BRD9: variants seen among roughly 807,000 people sequenced by gnomAD.
BRD9 encodes the protein bromodomain-containing protein 9.
A neutral mutation model predicts 68.7 loss-of-function variants in BRD9; 47 were observed. The observed-to-expected ratio is 0.68, with a 90% CI of 0.54 to 0.87. The LOEUF (loss-of-function observed/expected upper bound fraction) is 0.87. Among genes scored for constraint, BRD9 ranks in the 40% least tolerant of loss-of-function variants. The pLI, the probability that BRD9 is intolerant of heterozygous loss-of-function variation, is 0.00. For missense variants in BRD9, 670 were observed against 748.4 expected, an observed-to-expected ratio of 0.90 and a Z score of 1.22; for synonymous variants, 313 against 293.9, an observed-to-expected ratio of 1.06 and a Z score of -0.67.
rs1315297576 is a variant in BRD9 at position 892,771 on chromosome 5, G to A, written c.-114C>T. 6.3e-6 allele frequency: 7 copies of A among 1,119,622 alleles called. No individual in the cohort carries two copies. Among genetic ancestry groups the A allele is most frequent in the East Asian group, 3.5e-5 (1 of 28,518 alleles). 69.4% of individuals were successfully genotyped at this position (1,119,622 alleles called of 1,614,324 possible). ...GGCCGCCCGCGCTCGCTGCGCCGAG[G>A]TTGCCGAGCTCGCTGGGCCGCGCCG... On this transcript the variant is annotated 5_prime_UTR_variant, in exon 1 of 16. Coordinates refer to ENST00000467963, the MANE Select transcript of BRD9 (RefSeq NM_023924.5).
chr5:865,761 TAGC>T, intron 14 of BRD9, 180 bp from the exon 15 acceptor site: 1 of 618,724 alleles, frequency 1.6e-6, no homozygotes, highest in Non-Finnish European at 2.7e-6. Context: ...ACATTACCCT[TAGC>T]AGTGAGTGAA....
chr5:866,019 G>C (rs953655697), intron 14 of BRD9: 1 of 157,164 alleles, frequency 6.4e-6, no homozygotes, highest in African/African-American at 2.4e-5. Flanking sequence ...CACAGCCATC[G>C]GGGACCCAGC....
intron 5 of BRD9, 90 bp from the exon 6 acceptor site, chr5:887,561 A>G (rs1752747877): frequency 1.0e-6 from 1 of 967,280 alleles, no homozygotes; most frequent in African/African-American, 1.6e-5. Flanking sequence ...CAAAAGGAAA[A>G]AGCTACAATC....
chr5:871,829 G>A (rs1750178605), intron 12 of BRD9, among the ~76,000 whole-genome samples: 1 of 152,240 alleles, frequency 6.6e-6, no homozygotes, highest in South Asian at 2.1e-4. Flanking sequence ...GGAGCGGACA[G>A]AGAGAGGACG....
intron 7 of BRD9, 27 bp from the exon 8 acceptor site, chr5:884,097 C>G: frequency 6.2e-7 from 1 of 1,606,248 alleles, no homozygotes; most frequent in Non-Finnish European, 8.5e-7. Context: ...ACCAAGTCAC[C>G]TGGAGGCAGC....
chr5:878,076 G>A (rs1202580773), intron 11 of BRD9, among the ~76,000 whole-genome samples: 1 of 152,168 alleles, frequency 6.6e-6, no homozygotes, highest in Non-Finnish European at 1.5e-5. Flanking sequence ...GGTCACTTAG[G>A]AAACACAATT....
Position 864,334 on chromosome 5 carries a change from A to G in BRD9, c.*134T>C, listed in dbSNP as rs1207518090. ...CTCTGCTGACATGATACCACAGACA[A>G]TTCATTACCTCCCCGCGGCTGCTTC... On this transcript the variant is annotated 3_prime_UTR_variant, in exon 16 of 16. Transcript: ENST00000467963. The G allele has an allele frequency of 3.0e-6, 2 of 662,544 alleles. No homozygotes were observed. The highest frequency in any genetic ancestry group is 4.9e-6 in the Non-Finnish European group (2 of 407,616). The allele number at this position is 662,544 out of a possible 1,614,324, so 41.0% of individuals were successfully genotyped here. A position where few individuals can be genotyped will look rare whatever the true frequency, so the allele number is the denominator to read the frequency against.
chr5:871,504 C>T, intron 13 of BRD9, 22 bp downstream of exon 13: 1 of 1,612,156 alleles, frequency 6.2e-7, no homozygotes, highest in South Asian at 1.1e-5. Context: ...TTTGGCTTGC[C>T]CTTCCATGTT....
At chr5:885,482 T>G (rs1752419277) in intron 7 of BRD9, among the ~76,000 whole-genome samples, 1 of 152,122 alleles carries the variant, frequency 6.6e-6, no homozygotes, top group East Asian at 1.9e-4. Context: ...AAACAAACAA[T>G]GGAGGGCCGT....
At chr5:883,674 G>A in intron 8 of BRD9, 2 of 548,376 alleles carry the variant, frequency 3.6e-6, no homozygotes, top group Non-Finnish European at 3.3e-6. Flanking sequence ...GCCTGCAGCA[G>A]GGCCTCCATC....
chr5:870,177 G>T (rs1482604310), intron 14 of BRD9: 1 of 306,316 alleles, frequency 3.3e-6, no homozygotes, highest in Non-Finnish European at 6.2e-6. Context: ...TTTCATGGAG[G>T]CGGTAGGCAA....
chr5:876,087 C>T lies in BRD9; in HGVS notation c.1383+14G>A, dbSNP rs56008065. ...GGGCACCTGCCCCCCAACCCCGGTG[C>T]GAGTGCAGCCCACCTGCTTCAGCTG... On this transcript the variant is annotated intron_variant, in intron 12 of 15. Transcript: ENST00000467963. The T allele has an allele frequency of 1.2e-5, 19 of 1,590,040 alleles. No homozygotes were observed. In the East Asian group the frequency reaches 2.0e-4, roughly 17 times the overall value.
intron 13 of BRD9, among the ~76,000 whole-genome samples, chr5:870,888 A>C (rs1750036407): frequency 6.6e-6 from 1 of 152,228 alleles, no homozygotes. Flanking sequence ...AGACACACAG[A>C]ATTTTAGGGT....
intron 12 of BRD9, among the ~76,000 whole-genome samples, chr5:874,416 G>A (rs967853170): frequency 6.6e-6 from 1 of 152,208 alleles, no homozygotes; most frequent in African/African-American, 2.4e-5. Flanking sequence ...AGTTTTTTAA[G>A]ATCTAGTTTG....
intron 8 of BRD9, 163 bp from the exon 9 acceptor site, chr5:881,345 G>T (rs895010229): frequency 4.2e-5 from 29 of 684,498 alleles, no homozygotes; most frequent in Middle Eastern, 2.7e-4. Context: ...CAGACTCACC[G>T]GCAACAGCAG....
Position 864,528 on chromosome 5 carries a change from G to A in BRD9, c.1734C>T (p.Val578=), listed in dbSNP as rs751819467. ...GAAGAAACTCATAGGGGTCGTGGGT[G>A]ACGTCTGGCTGCTCCCCGACACTCA... ...SRLSVGEQPD[V]THDPYEFLQS... is the part of the protein sequence containing the mutation. Residue 578 remains valine, a synonymous_variant, in exon 16 of 16, where the codon GTC becomes GTT. Transcript: ENST00000467963. The A allele has an allele frequency of 3.7e-6, 6 of 1,614,030 alleles. No homozygotes were observed. The highest frequency in any genetic ancestry group is 3.4e-6 in the Non-Finnish European group (4 of 1,179,942).
At chr5:885,035 C>T (rs965240609) in intron 7 of BRD9, among the ~76,000 whole-genome samples, 10 of 152,242 alleles carry the variant, frequency 6.6e-5, no homozygotes, top group Non-Finnish European at 1.5e-5. Flanking sequence ...TCTGCCAGGA[C>T]ACAACCCCAC....
intron 7 of BRD9, among the ~76,000 whole-genome samples, chr5:886,273 G>T (rs973529607): frequency 2.0e-5 from 3 of 152,262 alleles, no homozygotes; most frequent in Non-Finnish European, 4.4e-5. Flanking sequence ...AGCCTTGGCT[G>T]CCGGCAGGCG....
In BRD9 at chr5:866,217, A is replaced by C. The variant is rs1053356397; in HGVS notation, c.1526-636T>G. 3 of 152,264 alleles carry C rather than the reference A, an allele frequency of 2.0e-5. No homozygotes were observed. The East Asian group carries it at 5.8e-4, about 29-fold the overall frequency. 9.4% of individuals were successfully genotyped at this position (152,264 alleles called of 1,614,324 possible). On this transcript the variant is annotated intron_variant, in intron 14 of 15. Transcript: ENST00000467963. ...CCTGGGGAAGGTCCCACAGAGTCTA[A>C]GCCACTTCTCAAACTCAGAACAAAG...
Sources: gnomAD v4.1 joint callset for allele counts (sites outside exome capture counted in the v4.1 genomes callset) on GRCh38, gnomAD v4.1.1 for gene constraint, MANE v1.5 for transcripts, NCBI Gene and HGNC (gene_info 2026-07-23, HGNC 2026-07-21) for gene names.